The following B4GALT5 variants were observed in gnomAD, a reference collection of about 807,000 sequenced individuals.
B4GALT5 encodes beta-1,4-galactosyltransferase 5.
B4GALT5 carries 11 observed loss-of-function variants against 45.0 expected under a neutral mutation model. The observed-to-expected ratio is 0.24, with a 90% CI of 0.15 to 0.40. The LOEUF is 0.40. B4GALT5 is among the 10% of genes least tolerant of loss of function. The pLI is 1.00. For missense variants in B4GALT5, 337 were observed against 500.2 expected, an observed-to-expected ratio of 0.67 and a Z score of 3.11; for synonymous variants, 185 against 182.9, an observed-to-expected ratio of 1.01 and a Z score of -0.09.
At chr20:49,686,728 CAAAAAAAAAAAA>C (rs59766440) in intron 1 of B4GALT5, among the ~76,000 whole-genome samples, 1 of 59,456 alleles carries the variant, frequency 1.7e-5, no homozygotes, top group African/African-American at 7.2e-5. Flanking sequence ...TGTCTCTGCC[CAAAAAAAAAAAA>C]AAAAAAAAAA....
At chr20:49,639,829 C>A in intron 6 of B4GALT5, 29 bp from the exon 7 acceptor site, 3 of 1,609,734 alleles carry the variant, frequency 1.9e-6, no homozygotes, top group Non-Finnish European at 2.5e-6. Context: ...CATCAATCAT[C>A]TGTGTGTTAC....
At chr20:49,639,623 G>C (rs1601244919) in intron 7 of B4GALT5, 55 bp downstream of exon 7, 3 of 1,601,638 alleles carry the variant, frequency 1.9e-6, no homozygotes. Context: ...GGATAGTATT[G>C]GTCTGCAGTC....
At chr20:49,686,424 CACTT>C (rs1213165816) in intron 1 of B4GALT5, among the ~76,000 whole-genome samples, 1 of 152,138 alleles carries the variant, frequency 6.6e-6, no homozygotes, top group Non-Finnish European at 1.5e-5. Context: ...AGGATGTTAA[CACTT>C]ACTACTGCCT....
intron 1 of B4GALT5, among the ~76,000 whole-genome samples, chr20:49,681,746 C>A (rs2085764857): frequency 6.6e-6 from 1 of 152,216 alleles, no homozygotes; most frequent in South Asian, 2.1e-4. Flanking sequence ...CTCAATTAGG[C>A]AACCAGTGGC....
intron 6 of B4GALT5, 116 bp downstream of exon 6, chr20:49,640,362 G>A (rs2085571566): frequency 5.7e-6 from 5 of 877,742 alleles, no homozygotes; most frequent in Non-Finnish European, 8.4e-6. Context: ...CACACATTTT[G>A]TTTATCCATC....
intron 1 of B4GALT5, among the ~76,000 whole-genome samples, chr20:49,669,534 T>C (rs942881875): frequency 3.9e-5 from 6 of 152,042 alleles, no homozygotes; most frequent in Non-Finnish European, 5.9e-5. Context: ...CCGTCTCTAC[T>C]AAAAATACAA....
chr20:49,708,120 C>T lies in B4GALT5; in HGVS notation c.115+5456G>A, dbSNP rs549048203. On this transcript the variant is annotated intron_variant, in intron 1 of 8. Coordinates refer to ENST00000371711, the MANE Select transcript of B4GALT5 (RefSeq NM_004776.4). ...AATAGCTGGGCATGGTGGCAGGCGCCTGTAATCCCAGCTACTTGGGAAGCT... is the reference window on the plus strand; with the variant it reads ...AATAGCTGGGCATGGTGGCAGGCGCTTGTAATCCCAGCTACTTGGGAAGCT... Among the ~76,000 whole-genome samples the T allele has an allele frequency of 9.9e-5, 15 of 151,674 alleles. 1 individual carries two copies. The South Asian group carries it at 2.7e-3, about 27-fold the overall frequency.
At chr20:49,662,080 C>G (rs1411621355) in intron 1 of B4GALT5, among the ~76,000 whole-genome samples, 1 of 152,162 alleles carries the variant, frequency 6.6e-6, no homozygotes, top group Non-Finnish European at 1.5e-5. Flanking sequence ...ACAATGGTGC[C>G]TTTCTTCCTC....
At chr20:49,712,833 G>A (rs1224717895) in intron 1 of B4GALT5, among the ~76,000 whole-genome samples, 1 of 104,500 alleles carries the variant, frequency 9.6e-6, no homozygotes, top group Non-Finnish European at 2.0e-5. Context: ...GTGGGTACGC[G>A]AGGTGGGGGG....
At chr20:49,706,737 AT>A (rs1026056635) in intron 1 of B4GALT5, among the ~76,000 whole-genome samples, 1 of 151,924 alleles carries the variant, frequency 6.6e-6, no homozygotes, top group African/African-American at 2.4e-5. Context: ...CTTGCTTACG[AT>A]TATCTGTTTG....
intron 1 of B4GALT5, among the ~76,000 whole-genome samples, chr20:49,663,690 A>AAAAATATAT (rs1555812124): frequency 1.0e-5 from 1 of 96,962 alleles, no homozygotes; most frequent in African/African-American, 4.5e-5. Flanking sequence ...AAAAAAAAAA[A>AAAAATATAT]ATATATACAT....
chr20:49,696,234 T>C (rs911749056), intron 1 of B4GALT5, among the ~76,000 whole-genome samples: 3 of 152,188 alleles, frequency 2.0e-5, no homozygotes, highest in African/African-American at 7.2e-5. Flanking sequence ...GAAAAATAAT[T>C]ACTAAGTCCA....
At chr20:49,665,440 G>GTAGTAA (rs1555812236) in intron 1 of B4GALT5, among the ~76,000 whole-genome samples, 34 of 95,034 alleles carry the variant, frequency 3.6e-4, no homozygotes, top group Admixed American at 5.5e-4. Context: ...GGGGGTAGTA[G>GTAGTAA]TAATAATAAT....
At chr20:49,706,229 C>T (rs555638982) in intron 1 of B4GALT5, among the ~76,000 whole-genome samples, 5 of 151,420 alleles carry the variant, frequency 3.3e-5, no homozygotes, top group Admixed American at 2.0e-4. Flanking sequence ...AACATAAGGA[C>T]CTTTGTGTCA....
At chr20:49,706,468 C>A (rs6019987) in intron 1 of B4GALT5, among the ~76,000 whole-genome samples, 2 of 152,112 alleles carry the variant, frequency 1.3e-5, no homozygotes, top group South Asian at 2.1e-4. Flanking sequence ...TATAAATTGA[C>A]AGATGTAGTC....
At chr20:49,640,142 C>T (rs1390748109) in intron 6 of B4GALT5, among the ~76,000 whole-genome samples, 4 of 152,220 alleles carry the variant, frequency 2.6e-5, no homozygotes, top group African/African-American at 4.8e-5. Context: ...CCTGCTCCTC[C>T]TATCCTCCTT....
At chr20:49,704,561 T>C (rs1256681908) in intron 1 of B4GALT5, among the ~76,000 whole-genome samples, 1 of 150,644 alleles carries the variant, frequency 6.6e-6, no homozygotes, top group East Asian at 2.0e-4. Flanking sequence ...CTACTAAAAA[T>C]ACAAAAAATT....
At chr20:49,650,439 T>C (rs1459820320) in intron 2 of B4GALT5, among the ~76,000 whole-genome samples, 1 of 138,240 alleles carries the variant, frequency 7.2e-6, no homozygotes, top group African/African-American at 2.8e-5. Context: ...GCCAATATGG[T>C]GAAACCCCAT....
At chr20:49,665,530 C>G (rs2085686728) in intron 1 of B4GALT5, among the ~76,000 whole-genome samples, 1 of 149,936 alleles carries the variant, frequency 6.7e-6, no homozygotes, top group South Asian at 2.1e-4. Context: ...TATAAAACAC[C>G]AGCTACAAAG....
Sources: allele counts gnomAD v4.1 joint callset (sites outside exome capture counted in the v4.1 genomes callset), GRCh38; gene constraint gnomAD v4.1.1; transcripts MANE v1.5; gene names NCBI Gene and HGNC (gene_info 2026-07-23, HGNC 2026-07-21).